CEP164: variants seen among roughly 807,000 people sequenced by gnomAD.
CEP164 encodes centrosomal protein of 164 kDa.
Under a neutral mutation model 182.7 loss-of-function variants are expected in CEP164, and 162 were observed. The ratio of observed to expected loss-of-function variants is 0.89; its 90% confidence interval spans 0.78 to 1.01. The LOEUF is 1.01. CEP164 is among the 50% of genes least tolerant of loss of function. The probability of loss-of-function intolerance (pLI) is 0.00; values close to 1 mark genes in which losing one functional copy is unlikely to be tolerated. For missense variants in CEP164, 1,735 were observed against 1,790.4 expected, an observed-to-expected ratio of 0.97 and a Z score of 0.56; for synonymous variants, 661 against 690.0, an observed-to-expected ratio of 0.96 and a Z score of 0.66.
Position 117,409,334 on chromosome 11 carries a change from C to T in CEP164, c.3749-284C>T, listed in dbSNP as rs2047061806. 3 of 577,956 alleles carry T rather than the reference C, an allele frequency of 5.2e-6. No individual in the cohort carries two copies. Among genetic ancestry groups the T allele is most frequent in the Non-Finnish European group, 9.2e-6 (3 of 326,554 alleles). The allele number at this position is 577,956 out of a possible 1,614,324, so 35.8% of individuals were successfully genotyped here. A position where few individuals can be genotyped will look rare whatever the true frequency, so the allele number is the denominator to read the frequency against. ...GGCTTTTCTCTCTCAGCTGCCCTGG[C>T]CTGTATGTGACAGAAGGGCCCTCTC... is the stretch of plus-strand genomic sequence containing the variant. On this transcript the variant is annotated intron_variant, in intron 29 of 32. Transcript: ENST00000278935. This position sits in a 1 kb window ranked among gnomAD's most constrained non-coding sequence, Gnocchi z 4.4.
intron 5 of CEP164, among the ~76,000 whole-genome samples, chr11:117,353,388 C>T (rs972374150): frequency 4.6e-5 from 7 of 152,124 alleles, no homozygotes; most frequent in African/African-American, 1.7e-4. Flanking sequence ...CTGGATTTTC[C>T]AATGTCATGT....
intron 27 of CEP164, 144 bp downstream of exon 27, chr11:117,397,457 A>G: frequency 5.9e-6 from 4 of 676,080 alleles, no homozygotes; most frequent in Non-Finnish European, 1.0e-5. Context: ...ACTTATATTT[A>G]CTTGGCAATG....
chr11:117,336,494 C>G, intron 2 of CEP164: 1 of 1,502,586 alleles, frequency 6.7e-7, no homozygotes, highest in Non-Finnish European at 9.1e-7. Context: ...CCCTGGGGAA[C>G]TCCTAGGGGA....
At chr11:117,387,923 G>A (rs1295188660) in intron 15 of CEP164, among the ~76,000 whole-genome samples, 1 of 152,168 alleles carries the variant, frequency 6.6e-6, no homozygotes, top group East Asian at 1.9e-4. Context: ...GTACTGGGAA[G>A]GTTGGAGCAA....
intron 13 of CEP164, 82 bp from the exon 14 acceptor site, chr11:117,382,714 T>C: frequency 6.6e-7 from 1 of 1,509,732 alleles, no homozygotes; most frequent in Non-Finnish European, 9.0e-7. Context: ...CTGTCATAGC[T>C]CTTTGACCCC....
intron 27 of CEP164, among the ~76,000 whole-genome samples, chr11:117,401,171 A>C (rs1204211444): frequency 6.6e-6 from 1 of 152,154 alleles, no homozygotes; most frequent in East Asian, 1.9e-4. Context: ...CTCAATACCT[A>C]GTTTATTCAA....
At chr11:117,353,565 TTGGA>T (rs560770964) in intron 5 of CEP164, among the ~76,000 whole-genome samples, 14 of 152,076 alleles carry the variant, frequency 9.2e-5, no homozygotes, top group Non-Finnish European at 1.6e-4. Context: ...AGATGTGTGA[TTGGA>T]TTCTTAGAGC....
chr11:117,410,797 A>T lies in CEP164; in HGVS notation c.4097-31A>T, dbSNP rs769162821. 5 of 1,598,604 alleles carry T rather than the reference A, an allele frequency of 3.1e-6. No homozygotes were observed. In the South Asian group the frequency reaches 4.5e-5, roughly 14 times the overall value. ...GTGGGCAGGGTGGTGACCACTGCCCATTTCTGAGTCCTGTCCCCATGCTCT... is the reference window on the plus strand; with the variant it reads ...GTGGGCAGGGTGGTGACCACTGCCCTTTTCTGAGTCCTGTCCCCATGCTCT... On this transcript the variant is annotated intron_variant, in intron 30 of 32. Transcript: ENST00000278935.
chr11:117,395,450 C>A, intron 23 of CEP164, 97 bp from the exon 24 acceptor site: 1 of 1,342,458 alleles, frequency 7.4e-7, no homozygotes, highest in Non-Finnish European at 1.0e-6. Flanking sequence ...CATTCCCAGC[C>A]TGTCCTCCTT....
Position 117,351,873 on chromosome 11 carries a change from G to A in CEP164, c.278G>A (p.Arg93Gln), listed in dbSNP as rs778624233. ...GACCATCCATGTGACGAACACTATC[G>A]GAGCTTGGTGATCCAAGAGCGGGCA... ...MWDHPCDEHY[R>Q]SLVIQERAKL... is the part of the protein sequence containing the mutation. The change falls in exon 5 of 33, where the codon CGG becomes CAG. Residue 93 changes from arginine to glutamine, a missense_variant. Physicochemically the swap from Arg to Gln is conservative, Grantham distance 43 (BLOSUM62 1). Coordinates refer to ENST00000278935, the MANE Select transcript of CEP164 (RefSeq NM_014956.5). 1.2e-5 allele frequency: 20 copies of A among 1,613,558 alleles called. No homozygotes were observed. The highest frequency in any genetic ancestry group is 5.4e-5 in the African/African-American group (4 of 74,736).
At chr11:117,370,134 T>C (rs538909829) in intron 8 of CEP164, among the ~76,000 whole-genome samples, 138 of 152,344 alleles carry the variant, frequency 9.1e-4, no homozygotes, top group African/African-American at 3.2e-3. Context: ...GCTCACTTCC[T>C]TTATCCTTTA....
intron 15 of CEP164, among the ~76,000 whole-genome samples, chr11:117,387,816 T>G (rs1377006859): frequency 6.6e-6 from 1 of 151,882 alleles, no homozygotes; most frequent in Non-Finnish European, 1.5e-5. Context: ...CATCCAAGAG[T>G]GGTAGAAAAT....
chr11:117,381,842 C>T lies in CEP164; in HGVS notation c.1551C>T (p.Ser517=), dbSNP rs1318026937. 1.3e-6 allele frequency: 2 copies of T among 1,524,224 alleles called. No individual in the cohort carries two copies. Among genetic ancestry groups the T allele is most frequent in the Non-Finnish European group, 1.8e-6 (2 of 1,134,884 alleles). 94.4% of individuals were successfully genotyped at this position (1,524,224 alleles called of 1,614,324 possible). A position where few individuals can be genotyped will look rare whatever the true frequency, so the allele number is the denominator to read the frequency against. Reference sequence around the variant, plus strand: ...AGCTTGGGGAGGACTCTGCAGCCAGCCTCAGCCTGCAGCTGTCCCTCCAGA... The same window carrying T: ...AGCTTGGGGAGGACTCTGCAGCCAGTCTCAGCCTGCAGCTGTCCCTCCAGA... ...AEELGEDSAA[S]LSLQLSLQRE... The change falls in exon 13 of 33, where the codon AGC becomes AGT. Residue 517 remains serine, a synonymous_variant. Transcript: ENST00000278935.
intron 5 of CEP164, chr11:117,355,548 C>T (rs1304827057): frequency 1.6e-6 from 2 of 1,258,474 alleles, no homozygotes; most frequent in Non-Finnish European, 2.1e-6. Context: ...CCCATGTCAT[C>T]CCCTGAGGAG....
At chr11:117,341,207 A>G (rs540953132) in intron 3 of CEP164, among the ~76,000 whole-genome samples, 1 of 152,300 alleles carries the variant, frequency 6.6e-6, no homozygotes, top group South Asian at 2.1e-4. Flanking sequence ...GGATGTTTAT[A>G]AAAACTTTCT....
chr11:117,391,051 C>G lies in CEP164; in HGVS notation c.2119C>G (p.Gln707Glu). 6.2e-7 allele frequency: 1 copy of G among 1,614,116 alleles called. No individual in the cohort carries two copies. Among genetic ancestry groups the G allele is most frequent in the South Asian group, 1.1e-5 (1 of 91,074 alleles). ...ACTGAGAGAAGAGTTGGAGTCTCAA[C>G]AGAAGGCTGAGAGGGCCAGCTTGGA... The part of the protein sequence containing the change: ...QKLREELESQ[Q>E]KAERASLEQK... The change falls in exon 17 of 33, where the codon CAG becomes GAG. Residue 707 changes from glutamine (Q) to glutamate (E), a missense_variant. By Grantham distance (29) the Gln-to-Glu change is conservative. Transcript: ENST00000278935.
chr11:117,409,321 TCAGCTG>T lies in CEP164; in HGVS notation c.3748+295_3749-290del, dbSNP rs1366740421. The T allele has an allele frequency of 1.3e-4, 73 of 575,558 alleles. 1 individual carries two copies. The South Asian group carries it at 1.5e-3, about 12-fold the overall frequency. 35.7% of individuals were successfully genotyped at this position (575,558 alleles called of 1,614,324 possible). A position where few individuals can be genotyped will look rare whatever the true frequency, so the allele number is the denominator to read the frequency against. ...GCCTCCTTGAGGAGGCTTTTCTCTC[TCAGCTG>T]CCCTGGCCTGTATGTGACAGAAGGG... is the stretch of plus-strand genomic sequence containing the variant. On this transcript the variant is annotated intron_variant, in intron 29 of 32. Coordinates refer to ENST00000278935, the MANE Select transcript of CEP164 (RefSeq NM_014956.5). The surrounding 1 kb of genome is among the most constrained non-coding windows in gnomAD (Gnocchi z 4.4).
intron 2 of CEP164, among the ~76,000 whole-genome samples, chr11:117,337,527 A>G (rs1027920566): frequency 6.6e-6 from 1 of 151,714 alleles, no homozygotes; most frequent in Non-Finnish European, 1.5e-5. Flanking sequence ...AAAAAAAAGT[A>G]AAATATATAC....
At chr11:117,395,275 T>G in intron 23 of CEP164, 84 bp downstream of exon 23, 1 of 1,511,662 alleles carries the variant, frequency 6.6e-7, no homozygotes, top group South Asian at 1.2e-5. Flanking sequence ...TTTGTTCATC[T>G]GATCTGTCCA....
Sources: gnomAD v4.1 joint callset for allele counts (sites outside exome capture counted in the v4.1 genomes callset) on GRCh38, gnomAD v4.1.1 for gene constraint, Gnocchi (gnomAD v3.1) non-coding constraint, MANE v1.5 for transcripts, NCBI Gene and HGNC (gene_info 2026-07-23, HGNC 2026-07-21) for gene names.